Variants in ZNG1A observed in about 807,000 individuals in gnomAD.
The protein encoded by ZNG1A is Zn regulated GTPase metalloprotein activator 1A.
chr9:151,026 G>C, the ZNG1A span: 233 of 985,266 alleles, frequency 2.4e-4, 1 homozygote, highest in Middle Eastern at 9.9e-3. Flanking sequence ...GAAGAGGACA[G>C]ATACTGAGGA....
the ZNG1A span, chr9:154,277 T>C: frequency 1.1e-4 from 16 of 148,966 alleles, no homozygotes; most frequent in African/African-American, 5.2e-4. Flanking sequence ...ATAGGCTCTA[T>C]AGAATAAATT....
chr9:170,641 C>T, the ZNG1A span, among the ~76,000 whole-genome samples: 4 of 146,908 alleles, frequency 2.7e-5, no homozygotes, highest in Non-Finnish European at 6.0e-5. Context: ...CTGCCTCAGC[C>T]TCCCAAAGTG....
chr9:162,508 A>C, the ZNG1A span: 3 of 1,574,552 alleles, frequency 1.9e-6, no homozygotes, highest in Non-Finnish European at 2.6e-6. Context: ...TTTTAAAAAG[A>C]ATGTTTATTA....
chr9:165,183 C>T, the ZNG1A span, among the ~76,000 whole-genome samples: 1 of 152,072 alleles, frequency 6.6e-6, no homozygotes, highest in Non-Finnish European at 1.5e-5. Context: ...TTGGCTAAAA[C>T]ATGATTTTAA....
chr9:155,964 TA>T, the ZNG1A span, among the ~76,000 whole-genome samples: 9 of 146,834 alleles, frequency 6.1e-5, no homozygotes, highest in Admixed American at 1.4e-4. Flanking sequence ...AAAATAAAAA[TA>T]AAAAAATAAA....
chr9:159,841 T>G, the ZNG1A span, among the ~76,000 whole-genome samples: 5 of 152,078 alleles, frequency 3.3e-5, no homozygotes, highest in Non-Finnish European at 7.4e-5. Context: ...TTAAATGGAT[T>G]GGTTACAGAT....
At chr9:151,312 C>T in the ZNG1A span, 1 of 982,568 alleles carries the variant, frequency 1.0e-6, no homozygotes, top group African/African-American at 1.8e-5. Context: ...CACCTAAGGC[C>T]TCTGCTGTAC....
the ZNG1A span, among the ~76,000 whole-genome samples, chr9:174,724 G>C: frequency 6.6e-6 from 1 of 151,002 alleles, no homozygotes; most frequent in Non-Finnish European, 1.5e-5. Context: ...AAAAAAAATA[G>C]TACATTTTAA....
chr9:168,823 C>T, the ZNG1A span, among the ~76,000 whole-genome samples: 2 of 150,392 alleles, frequency 1.3e-5, no homozygotes, highest in Admixed American at 6.6e-5. Context: ...CATCTGTTTA[C>T]AGCACGGTTT....
chr9:157,492 A>G, the ZNG1A span, among the ~76,000 whole-genome samples: 3 of 131,366 alleles, frequency 2.3e-5, no homozygotes, highest in African/African-American at 9.0e-5. Context: ...TTACAAATGA[A>G]TTAAATCCTT....
chr9:136,067 T>C, the ZNG1A span, among the ~76,000 whole-genome samples: 1 of 77,230 alleles, frequency 1.3e-5, no homozygotes, highest in African/African-American at 3.8e-5. Context: ...TTTAATGTTG[T>C]TGGACAATGA....
chr9:169,230 G>C, the ZNG1A span, among the ~76,000 whole-genome samples: 4 of 151,742 alleles, frequency 2.6e-5, no homozygotes, highest in African/African-American at 4.9e-5. Context: ...AGATGACTTT[G>C]AGGGATTCCA....
At chr9:141,520 C>T in the ZNG1A span, among the ~76,000 whole-genome samples, 3 of 148,774 alleles carry the variant, frequency 2.0e-5, no homozygotes, top group African/African-American at 7.5e-5. Flanking sequence ...CAGGCCTGCC[C>T]TACAAGAGCT....
chr9:140,194 T>A, the ZNG1A span, among the ~76,000 whole-genome samples: 1 of 151,526 alleles, frequency 6.6e-6, no homozygotes, highest in Non-Finnish European at 1.5e-5. Context: ...CTCTGTAGGC[T>A]CCACCTCTGG....
At chr9:172,080 C>T in the ZNG1A span, 8 of 1,610,950 alleles carry the variant, frequency 5.0e-6, no homozygotes, top group Admixed American at 6.7e-5. Context: ...TCACTTCTTA[C>T]CAGGGTCTGC....
At chr9:160,489 A>C in the ZNG1A span, among the ~76,000 whole-genome samples, 59 of 152,044 alleles carry the variant, frequency 3.9e-4, no homozygotes, top group Admixed American at 3.3e-3. Flanking sequence ...CATTATCCTG[A>C]CAGTGTGTCA....
At chr9:141,890 T>C in the ZNG1A span, among the ~76,000 whole-genome samples, 1 of 152,100 alleles carries the variant, frequency 6.6e-6, no homozygotes, top group African/African-American at 2.4e-5. Context: ...GGGGTTGCAA[T>C]CCTAGTCTCT....
At chr9:157,381 T>C in the ZNG1A span, among the ~76,000 whole-genome samples, 1 of 137,346 alleles carries the variant, frequency 7.3e-6, no homozygotes, top group Non-Finnish European at 1.6e-5. Flanking sequence ...TTACCCTCAT[T>C]ACCTCAAACC....
At chr9:147,929 G>A in the ZNG1A span, 1 of 151,434 alleles carries the variant, frequency 6.6e-6, no homozygotes, top group Non-Finnish European at 1.5e-5. Flanking sequence ...GGAGGGTGAA[G>A]CAGGAGAATC....
Sources: gnomAD v4.1 joint callset for allele counts (sites outside exome capture counted in the v4.1 genomes callset) on GRCh38, gnomAD v4.1.1 for gene constraint, MANE v1.5 for transcripts, NCBI Gene and HGNC (gene_info 2026-07-23, HGNC 2026-07-21) for gene names.